Variants in ZCWPW2 observed in about 807,000 individuals in gnomAD.
ZCWPW2 encodes zinc finger CW-type PWWP domain protein 2.
ZCWPW2 carries 45 observed loss-of-function variants against 46.6 expected under a neutral mutation model. The observed-to-expected ratio is 0.96, with a 90% CI of 0.76 to 1.24. The LOEUF (loss-of-function observed/expected upper bound fraction) is 1.24, where lower values mean the gene tolerates loss of function less well. ZCWPW2 is among the 50% of genes most tolerant of loss of function. The probability of loss-of-function intolerance (pLI) is 0.00; values close to 1 mark genes in which losing one functional copy is unlikely to be tolerated. For synonymous variants in ZCWPW2, 152 were observed against 137.1 expected, an observed-to-expected ratio of 1.11 and a Z score of -0.76; for missense variants, 429 against 403.9, an observed-to-expected ratio of 1.06 and a Z score of -0.53.
intron 4 of ZCWPW2, among the ~76,000 whole-genome samples, chr3:28,477,374 CA>C (rs1699270813): frequency 6.6e-6 from 1 of 152,076 alleles, no homozygotes. Context: ...TGCCCAGGAC[CA>C]AATGCAATTT....
chr3:28,507,270 C>T (rs1222495863), intron 6 of ZCWPW2, among the ~76,000 whole-genome samples: 1 of 152,120 alleles, frequency 6.6e-6, no homozygotes, highest in African/African-American at 2.4e-5. Context: ...CAGCAGGAAT[C>T]TCTGTGATTT....
chr3:28,406,699 C>G (rs1259243154), intron 2 of ZCWPW2, among the ~76,000 whole-genome samples: 1 of 152,116 alleles, frequency 6.6e-6, no homozygotes, highest in African/African-American at 2.4e-5. Context: ...TAAGACTCTT[C>G]TGAGGTTTTT....
rs142031494 is a variant in ZCWPW2 at position 28,402,379 on chromosome 3, G to A, written c.-13-10677G>A. Among the ~76,000 whole-genome samples, 385 of 152,220 alleles carry A rather than the reference G, an allele frequency of 2.5e-3. 1 individual carries two copies. Among genetic ancestry groups the A allele is most frequent in the African/African-American group, 8.4e-3 (349 of 41,550 alleles). On this transcript the variant is annotated intron_variant, in intron 2 of 9. Coordinates refer to ENST00000383768, the MANE Select transcript of ZCWPW2 (RefSeq NM_001040432.4). ...CACCCCTGTTAGCTTAAATCAGGAA[G>A]AATTAGATACCCCGAATAGACCAAT...
chr3:28,498,037 A>G (rs1700042231), intron 6 of ZCWPW2, among the ~76,000 whole-genome samples: 1 of 152,106 alleles, frequency 6.6e-6, no homozygotes. Flanking sequence ...CTCATTAAGT[A>G]TCTGTAGAAT....
chr3:28,352,134 A>G (rs1704575847), intron 1 of ZCWPW2, among the ~76,000 whole-genome samples: 1 of 131,746 alleles, frequency 7.6e-6, no homozygotes, highest in Admixed American at 8.0e-5. Flanking sequence ...ATGCACACAC[A>G]CACACACACA....
chr3:28,462,232 C>A (rs1698667101), intron 4 of ZCWPW2, among the ~76,000 whole-genome samples: 1 of 152,148 alleles, frequency 6.6e-6, no homozygotes, highest in Non-Finnish European at 1.5e-5. Flanking sequence ...AGAAGTCTGT[C>A]AGTGCCCTGG....
rs1453871241 is a variant in ZCWPW2 at position 28,413,167 on chromosome 3, T to C, written c.99T>C (p.Cys33=). The C allele has an allele frequency of 6.2e-7, 1 of 1,612,900 alleles. No homozygotes were observed. Among genetic ancestry groups the C allele is most frequent in the South Asian group, 1.1e-5 (1 of 91,062 alleles). ...NMYVNKVWVQ[C]ENENCLKWRL... ...ATGTAAACAAAGTGTGGGTTCAATGTGAGAATGAAAATTGTTTGAAATGGA... is the reference window on the plus strand; with the variant it reads ...ATGTAAACAAAGTGTGGGTTCAATGCGAGAATGAAAATTGTTTGAAATGGA... Residue 33 remains cysteine, a synonymous_variant, in exon 3 of 10, where the codon TGT becomes TGC. Transcript: ENST00000383768.
intron 1 of ZCWPW2, among the ~76,000 whole-genome samples, chr3:28,369,449 C>T (rs2125700398): frequency 6.6e-6 from 1 of 152,302 alleles, no homozygotes; most frequent in African/African-American, 2.4e-5. Context: ...TGGGTATCAG[C>T]AGCGGAGGCT....
intron 2 of ZCWPW2, among the ~76,000 whole-genome samples, chr3:28,393,880 C>T (rs565822428): frequency 6.6e-6 from 1 of 152,178 alleles, no homozygotes; most frequent in South Asian, 2.1e-4. Context: ...GACAAGCATA[C>T]CCACTCTCAC....
At chr3:28,474,620 T>TGTGTGTGTGTGTGC (rs777191108) in intron 4 of ZCWPW2, among the ~76,000 whole-genome samples, 25 of 121,696 alleles carry the variant, frequency 2.1e-4, no homozygotes, top group African/African-American at 5.7e-4. Flanking sequence ...TGTGTGTGTG[T>TGTGTGTGTGTGTGC]GCGCGCGCGC....
intron 3 of ZCWPW2, among the ~76,000 whole-genome samples, chr3:28,420,054 C>A (rs1696702735): frequency 1.3e-5 from 2 of 149,204 alleles, no homozygotes; most frequent in South Asian, 2.1e-4. Flanking sequence ...TGCACATGTA[C>A]CCTAATACCG....
intron 1 of ZCWPW2, among the ~76,000 whole-genome samples, chr3:28,375,642 A>G (rs1350189908): frequency 2.0e-5 from 3 of 152,096 alleles, no homozygotes; most frequent in Non-Finnish European, 4.4e-5. Context: ...TACCTATAAT[A>G]CAATTACATT....
chr3:28,362,201 T>TC lies in ZCWPW2; in HGVS notation c.-134+12998_-134+12999insC, dbSNP rs575558146. Among the ~76,000 whole-genome samples the TC allele has an allele frequency of 2.5e-3, 384 of 152,262 alleles. 1 individual carries two copies. Among genetic ancestry groups the TC allele is most frequent in the African/African-American group, 8.4e-3 (348 of 41,556 alleles). ...AATATCCTTCAGCCTTAAAAAAGTTTAGTTATATAAGATGAAAATGTTCTT... is the reference window on the plus strand; with the variant it reads ...AATATCCTTCAGCCTTAAAAAAGTTTCAGTTATATAAGATGAAAATGTTCTT... On this transcript the variant is annotated intron_variant, in intron 1 of 9. Transcript: ENST00000383768.
chr3:28,401,036 G>A (rs1237979028), intron 2 of ZCWPW2, among the ~76,000 whole-genome samples: 12 of 151,998 alleles, frequency 7.9e-5, no homozygotes, highest in East Asian at 5.8e-4. Flanking sequence ...AAAATTAGCC[G>A]GGCGTGGTGG....
intron 1 of ZCWPW2, among the ~76,000 whole-genome samples, chr3:28,381,415 T>C (rs1330132842): frequency 6.6e-6 from 1 of 152,118 alleles, no homozygotes; most frequent in Non-Finnish European, 1.5e-5. Context: ...TAAGTGGAAC[T>C]GGATCATCAT....
Position 28,485,072 on chromosome 3 carries a change from A to G in ZCWPW2, c.610+6141A>G, listed in dbSNP as rs373386705. ...TTCCTCTGAACATTGCTTTTGCTGC[A>G]TCCCATGATTGATAAGTTGCACTTT... On this transcript the variant is annotated intron_variant, in intron 5 of 9. Transcript: ENST00000383768. Among the ~76,000 whole-genome samples the G allele has an allele frequency of 5.3e-5, 8 of 151,676 alleles. No individual in the cohort carries two copies. In the East Asian group the frequency reaches 9.7e-4, roughly 18 times the overall value.
chr3:28,516,545 G>A (rs1383186996), intron 8 of ZCWPW2, among the ~76,000 whole-genome samples: 1 of 152,090 alleles, frequency 6.6e-6, no homozygotes, highest in African/African-American at 2.4e-5. Context: ...GTCTTGAAAA[G>A]CAGTGAAATG....
intron 4 of ZCWPW2, among the ~76,000 whole-genome samples, chr3:28,467,905 T>C (rs897628675): frequency 6.6e-6 from 1 of 152,098 alleles, no homozygotes; most frequent in Non-Finnish European, 1.5e-5. Context: ...AACTCTTTAA[T>C]GCCCAGACAC....
At chr3:28,369,397 C>G (rs1705233794) in intron 1 of ZCWPW2, among the ~76,000 whole-genome samples, 1 of 152,214 alleles carries the variant, frequency 6.6e-6, no homozygotes, top group Admixed American at 6.5e-5. Context: ...AGCTGCAGGT[C>G]TGTTGGAGTT....
Sources: allele counts gnomAD v4.1 joint callset (sites outside exome capture counted in the v4.1 genomes callset), GRCh38; gene constraint gnomAD v4.1.1; transcripts MANE v1.5; gene names NCBI Gene and HGNC (gene_info 2026-07-23, HGNC 2026-07-21).